ROBO2: variants seen among roughly 807,000 people sequenced by gnomAD.
ROBO2 encodes the protein roundabout homolog 2.
A neutral mutation model predicts 160.8 loss-of-function variants in ROBO2; 53 were observed. That is an observed-to-expected ratio of 0.33 (90% CI 0.26 to 0.41). The LOEUF is 0.41. Ranked by LOEUF, ROBO2 falls within the 10% of genes least tolerant of loss-of-function variation. The pLI is 1.00. For missense variants in ROBO2, 1,577 were observed against 1,722.4 expected (o/e 0.92, Z 1.49); for synonymous variants, 664 against 611.7 (o/e 1.09, Z -1.26).
intron 2 of ROBO2, among the ~76,000 whole-genome samples, chr3:76,656,268 A>C (rs755872603): frequency 6.6e-6 from 1 of 152,140 alleles, no homozygotes; most frequent in Non-Finnish European, 1.5e-5. Context: ...TTTACTTTTC[A>C]ATGTCCAAAT....
intron 23 of ROBO2, chr3:77,630,034 A>T (rs2095124676): frequency 6.6e-6 from 1 of 152,180 alleles, no homozygotes; most frequent in Non-Finnish European, 1.5e-5. Context: ...AGAGAGATTG[A>T]TTCTCGCTGT....
In ROBO2 at chr3:76,316,621, G is replaced by A. The variant is rs140933941; in HGVS notation, c.109+379019G>A. On this transcript the variant is annotated intron_variant, in intron 2 of 26. Coordinates refer to the ROBO2 transcript ENST00000487694. ...AGAGGTCCTGAGGTGACATACATTC[G>A]CAGCTCATGAAGTTAACAGGATTAG... 9.2e-5 allele frequency among the ~76,000 whole-genome samples: 14 copies of A among 152,168 alleles called. No individual in the cohort carries two copies. The East Asian group carries it at 1.5e-3, about 17-fold the overall frequency.
chr3:76,156,426 C>A (rs1459348513), intron 2 of ROBO2, among the ~76,000 whole-genome samples: 4 of 152,150 alleles, frequency 2.6e-5, no homozygotes, highest in African/African-American at 9.7e-5. Context: ...GTTATGGACT[C>A]CTCATTACAC....
intron 15 of ROBO2, among the ~76,000 whole-genome samples, chr3:77,579,252 A>T (rs1353371071): frequency 1.3e-5 from 2 of 152,142 alleles, no homozygotes; most frequent in African/African-American, 2.4e-5. Context: ...ACTTGAAATA[A>T]AAGCCTGACT....
At chr3:77,634,912 C>T in exon 24 of ROBO2, 3 of 1,614,100 alleles carry the variant, frequency 1.9e-6, no homozygotes, top group South Asian at 1.1e-5. Context: ...CCTACCAGCC[C>T]ATTTTCTACT....
At chr3:77,126,382 A>G (rs958168320) in intron 2 of ROBO2, among the ~76,000 whole-genome samples, 1 of 152,242 alleles carries the variant, frequency 6.6e-6, no homozygotes, top group African/African-American at 2.4e-5. Flanking sequence ...GGCCTACTTA[A>G]AATTCACAAA....
In ROBO2 at chr3:76,322,164, GTATATATATATATATA is replaced by G. The variant is rs200388202; in HGVS notation, c.109+384587_109+384602del. 9.4e-4 allele frequency among the ~76,000 whole-genome samples: 102 copies of G among 108,144 alleles called. 2 individuals carry two copies. In the South Asian group the frequency reaches 0.011, roughly 11 times the overall value. 70.9% of individuals were successfully genotyped at this position (108,144 alleles called of 152,430 possible). A position where few individuals can be genotyped will look rare whatever the true frequency, so the allele number is the denominator to read the frequency against. ...ATTTGAAATGATTTCTACTTCTTCC[GTATATATATATATATA>G]TATATATATATATATATATATATAA... On this transcript the variant is annotated intron_variant, in intron 2 of 26. Coordinates refer to the ROBO2 transcript ENST00000487694.
chr3:77,282,710 C>A (rs554235745), intron 2 of ROBO2, among the ~76,000 whole-genome samples: 3 of 151,984 alleles, frequency 2.0e-5, no homozygotes, highest in African/African-American at 7.2e-5. Context: ...ATAAATTAAA[C>A]AAACTCTAAT....
intron 2 of ROBO2, among the ~76,000 whole-genome samples, chr3:76,026,342 A>C (rs1030433357): frequency 6.6e-6 from 1 of 151,952 alleles, no homozygotes; most frequent in Admixed American, 6.6e-5. Context: ...AGTTTAAAAG[A>C]AATTTCATTG....
chr3:77,110,191 A>G (rs1395439891), intron 2 of ROBO2, among the ~76,000 whole-genome samples: 1 of 152,174 alleles, frequency 6.6e-6, no homozygotes, highest in Admixed American at 6.5e-5. Flanking sequence ...AGCAGCTTGG[A>G]GATTAAGAAT....
intron 2 of ROBO2, among the ~76,000 whole-genome samples, chr3:76,833,634 G>T (rs1166940): frequency 0.26 from 39,802 of 151,958 alleles, 5,599 homozygotes; most frequent in East Asian, 0.45. Flanking sequence ...GTTATCTGTA[G>T]CCCACAAGTG....
At chr3:77,618,028 G>A (rs1435991318) in intron 22 of ROBO2, 1 of 499,568 alleles carries the variant, frequency 2.0e-6, no homozygotes, top group Non-Finnish European at 3.6e-6. Flanking sequence ...ACTAAAACTA[G>A]AACTAGAGCA....
At chr3:77,495,796 G>A (rs1347798010) in intron 5 of ROBO2, among the ~76,000 whole-genome samples, 4 of 152,160 alleles carry the variant, frequency 2.6e-5, no homozygotes, top group African/African-American at 7.2e-5. Context: ...CACTGAGCAC[G>A]AGCTAGTTGA....
chr3:76,110,035 GT>G (rs2070150039), intron 2 of ROBO2, among the ~76,000 whole-genome samples: 1 of 150,882 alleles, frequency 6.6e-6, no homozygotes, highest in Admixed American at 6.6e-5. Flanking sequence ...ATATATATGT[GT>G]GTGTATATAT....
intron 2 of ROBO2, among the ~76,000 whole-genome samples, chr3:76,216,595 A>C (rs1257069482): frequency 2.0e-5 from 3 of 152,340 alleles, no homozygotes; most frequent in Non-Finnish European, 2.9e-5. Context: ...GGATCAATTC[A>C]ACAAGAAGAG....
intron 2 of ROBO2, among the ~76,000 whole-genome samples, chr3:76,356,678 A>T (rs1376660450): frequency 6.6e-6 from 1 of 151,852 alleles, no homozygotes; most frequent in African/African-American, 2.4e-5. Context: ...AAAAATGGAC[A>T]TATCTACCGT....
chr3:77,043,159 A>C (rs1014658431), intron 1 of ROBO2, among the ~76,000 whole-genome samples: 1 of 152,184 alleles, frequency 6.6e-6, no homozygotes, highest in African/African-American at 2.4e-5. Context: ...GTTCACATAT[A>C]TAGTGAAGAG....
intron 2 of ROBO2, among the ~76,000 whole-genome samples, chr3:76,009,166 G>C (rs1309321977): frequency 1.3e-5 from 2 of 152,078 alleles, no homozygotes; most frequent in Non-Finnish European, 2.9e-5. Context: ...GCAGGGGCGC[G>C]ATCTCGGCTC....
intron 14 of ROBO2, among the ~76,000 whole-genome samples, chr3:77,575,336 T>A (rs2093734368): frequency 6.6e-6 from 1 of 152,114 alleles, no homozygotes; most frequent in Non-Finnish European, 1.5e-5. Flanking sequence ...AACAAGAGGC[T>A]TATAATAAAT....
Sources: gnomAD v4.1 joint callset for allele counts (sites outside exome capture counted in the v4.1 genomes callset) on GRCh38, gnomAD v4.1.1 for gene constraint, MANE v1.5 for transcripts, NCBI Gene and HGNC (gene_info 2026-07-23, HGNC 2026-07-21) for gene names.